Variants in BCR observed in about 807,000 individuals in gnomAD.
BCR encodes breakpoint cluster region protein.
A neutral mutation model predicts 138.6 loss-of-function variants in BCR; 58 were observed. The observed-to-expected ratio is 0.42, with a 90% CI of 0.34 to 0.52. The LOEUF (loss-of-function observed/expected upper bound fraction) is 0.52. Ranked by LOEUF, BCR falls within the 20% of genes least tolerant of loss-of-function variation. BCR has a pLI of 0.06. For missense variants in BCR, 1,599 were observed against 1,727.2 expected, an observed-to-expected ratio of 0.93 and a Z score of 1.32; for synonymous variants, 786 against 730.1, an observed-to-expected ratio of 1.08 and a Z score of -1.23.
chr22:23,186,783 T>C (rs1428464854), intron 1 of BCR, among the ~76,000 whole-genome samples: 1 of 152,238 alleles, frequency 6.6e-6, no homozygotes. Context: ...CTCTGCTTAC[T>C]GCAGCCTCTG....
chr22:23,258,094 G>C (rs891409933), intron 2 of BCR, among the ~76,000 whole-genome samples: 1 of 152,116 alleles, frequency 6.6e-6, no homozygotes, highest in Non-Finnish European at 1.5e-5. Context: ...CCTTGGAGCT[G>C]CTCTCAGCCC....
chr22:23,294,970 A>G, intron 15 of BCR, 54 bp from the exon 16 acceptor site: 3 of 1,596,374 alleles, frequency 1.9e-6, no homozygotes, highest in Non-Finnish European at 2.6e-6. Context: ...CCCTTCAGCC[A>G]TAACATTGAC....
In BCR at chr22:23,303,999, A is replaced by G. The variant is rs573558685; in HGVS notation, c.3013-5425A>G. ...GCCCAGGTTGGAGTACAGTGGTGCA[A>G]CCACACTCAGCACAACCTTGATGTC... On this transcript the variant is annotated intron_variant, in intron 16 of 22. Transcript: ENST00000305877. Among the ~76,000 whole-genome samples the G allele has an allele frequency of 3.4e-5, 5 of 146,084 alleles. No homozygotes were observed. The East Asian group carries it at 6.0e-4, about 18-fold the overall frequency.
chr22:23,294,113 A>C (rs1305109966), intron 15 of BCR, among the ~76,000 whole-genome samples: 1 of 152,144 alleles, frequency 6.6e-6, no homozygotes, highest in East Asian at 1.9e-4. Flanking sequence ...TTTGCAGCAA[A>C]ATGGAGCAGA....
chr22:23,230,284 C>T (rs2072942074), intron 1 of BCR, among the ~76,000 whole-genome samples: 1 of 152,166 alleles, frequency 6.6e-6, no homozygotes, highest in African/African-American at 2.4e-5. Flanking sequence ...CTGTAGTGTG[C>T]TTTTTCCATC....
rs150438075 is a variant in BCR, at chr22:23,295,094, C to G, written c.2951C>G (p.Thr984Arg). 11 of 1,614,026 alleles carry G rather than the reference C, an allele frequency of 6.8e-6. No homozygotes were observed. Among genetic ancestry groups the G allele is most frequent in the Non-Finnish European group, 9.3e-6 (11 of 1,180,032 alleles). Residue 984 changes from threonine to arginine, a missense_variant, in exon 16 of 23, where the codon ACG (threonine) becomes AGG (arginine). This residue lies in a region of BCR where 590 missense variants were observed against 762.4 expected (regional missense o/e 0.77). Transcript: ENST00000305877. ...TGCTATGAAAAGTGTTACAACAAGA[C>G]GAAGATCCCCAAGGAGGACGGCGAG... is the stretch of plus-strand genomic sequence containing the variant. ...ILCYEKCYNK[T>R]KIPKEDGEST...
chr22:23,280,549 T>C (rs181228692), intron 8 of BCR, among the ~76,000 whole-genome samples: 2 of 152,326 alleles, frequency 1.3e-5, no homozygotes, highest in East Asian at 3.9e-4. Context: ...CGCAGTTTCA[T>C]TTAATCCTCA....
At chr22:23,281,367 C>A (rs527817755) in intron 8 of BCR, among the ~76,000 whole-genome samples, 25 of 152,356 alleles carry the variant, frequency 1.6e-4, no homozygotes, top group African/African-American at 5.8e-4. Flanking sequence ...GACCCCGGCC[C>A]ACCCTTGCCG....
At chr22:23,238,933 C>G (rs898629663) in intron 1 of BCR, among the ~76,000 whole-genome samples, 10 of 152,008 alleles carry the variant, frequency 6.6e-5, no homozygotes, top group African/African-American at 2.4e-4. Flanking sequence ...CGGGTCGGGT[C>G]AGGCCTCAAA....
At chr22:23,195,683 T>TC (rs1323729732) in intron 1 of BCR, among the ~76,000 whole-genome samples, 3 of 151,846 alleles carry the variant, frequency 2.0e-5, no homozygotes, top group Non-Finnish European at 4.4e-5. Context: ...GGTCAGGAGT[T>TC]CAAGACCAGC....
intron 1 of BCR, among the ~76,000 whole-genome samples, chr22:23,204,424 C>T (rs560623660): frequency 1.4e-5 from 2 of 141,518 alleles, no homozygotes; most frequent in African/African-American, 6.3e-5. Flanking sequence ...TCATGTTGCT[C>T]TGAGTTCCCA....
intron 8 of BCR, among the ~76,000 whole-genome samples, chr22:23,280,894 C>T (rs890655562): frequency 4.6e-5 from 7 of 152,348 alleles, no homozygotes; most frequent in Non-Finnish European, 2.9e-5. Flanking sequence ...GGGACCCATG[C>T]CCACACGGGG....
intron 8 of BCR, among the ~76,000 whole-genome samples, chr22:23,280,085 C>A (rs1376401671): frequency 1.3e-5 from 2 of 152,246 alleles, no homozygotes; most frequent in Non-Finnish European, 2.9e-5. Flanking sequence ...CACCTACTCA[C>A]CTCGCAAAGG....
chr22:23,246,454 T>A (rs2073158012), intron 1 of BCR, among the ~76,000 whole-genome samples: 1 of 152,182 alleles, frequency 6.6e-6, no homozygotes, highest in Non-Finnish European at 1.5e-5. Context: ...GTGAACATTC[T>A]GGTACAAGTT....
rs55668101 is a variant in BCR, at chr22:23,268,572, A to G, written c.1860+57A>G. On this transcript the variant is annotated intron_variant, in intron 5 of 22. Transcript: ENST00000305877. The stretch of plus-strand genomic sequence containing the variant: ...CCGCTGACTCCCACCTGTACCCTCC[A>G]CCTCCCGAGGAGAACAGAGTGCACC... The G allele has an allele frequency of 8.7e-3, 12,138 of 1,393,204 alleles. 81 individuals are homozygous for G. The highest frequency in any genetic ancestry group is 0.011 in the Non-Finnish European group (10,649 of 991,758). The allele number at this position is 1,393,204 out of a possible 1,614,324, so 86.3% of individuals were successfully genotyped here.
chr22:23,288,242 T>C (rs535306414), intron 12 of BCR, 70 bp downstream of exon 12: 1 of 1,437,890 alleles, frequency 7.0e-7, no homozygotes, highest in Non-Finnish European at 9.8e-7. Context: ...CTCCTGTGGT[T>C]TTAAACCTTC....
Position 23,274,399 on chromosome 22 carries a change from A to G in BCR, c.2115+625A>G, listed in dbSNP as rs187895877. 1.9e-3 allele frequency among the ~76,000 whole-genome samples: 296 copies of G among 152,356 alleles called. 3 individuals carry two copies. The highest frequency in any genetic ancestry group is 6.6e-3 in the African/African-American group (275 of 41,586). ...AGCCTTCCTAGGTGTGGCCTGGCAC[A>G]TAATGAGGCAGATGCATTCCCAGGC... On this transcript the variant is annotated intron_variant, in intron 8 of 22. Transcript: ENST00000305877.
At position 23,191,184 on chromosome 22, in the gene BCR, G is replaced by A. The variant is rs117907354; in HGVS notation, c.1279+8945G>A. 1.3e-3 allele frequency among the ~76,000 whole-genome samples: 203 copies of A among 152,272 alleles called. 5 individuals are homozygous for A. The East Asian group carries it at 0.036, about 27-fold the overall frequency. ...GGCCTCAAACGATCCTTCCCGCCTC[G>A]GCCTCCCGAAGTGCTGGGAATAATT... On this transcript the variant is annotated intron_variant, in intron 1 of 22. Transcript: ENST00000305877.
chr22:23,314,076 A>T lies in BCR; in HGVS notation c.3563+3A>T. The T allele has an allele frequency of 6.2e-7, 1 of 1,611,592 alleles. No individual in the cohort carries two copies. The highest frequency in any genetic ancestry group is 8.5e-7 in the Non-Finnish European group (1 of 1,178,716). ...TTCCTTCTGGACCACCTGAAAAGGT[A>T]GCCCAGCTCTCCCATGGCAGCCCAG... is the stretch of plus-strand genomic sequence containing the variant. On this transcript the variant is annotated splice_donor_region_variant and intron_variant, in intron 21 of 22. Coordinates refer to ENST00000305877, the MANE Select transcript of BCR (RefSeq NM_004327.4).
Sources: gnomAD v4.1 joint callset for allele counts (sites outside exome capture counted in the v4.1 genomes callset) on GRCh38, gnomAD v4.1.1 for gene constraint, gnomAD v4.1.1 regional missense constraint, MANE v1.5 for transcripts, NCBI Gene and HGNC (gene_info 2026-07-23, HGNC 2026-07-21) for gene names.